MDFIC2: variants seen among roughly 807,000 people sequenced by gnomAD.
MDFIC2 encodes the protein MyoD family inhibitor domain containing 2.
intron 2 of MDFIC2, among the ~76,000 whole-genome samples, chr3:70,292,865 A>G (rs559195966): frequency 6.6e-6 from 1 of 152,128 alleles, no homozygotes; most frequent in Non-Finnish European, 1.5e-5. Context: ...TTACCTTGAT[A>G]GAAATACTAT....
intron 2 of MDFIC2, among the ~76,000 whole-genome samples, chr3:70,307,018 G>C (rs988356800): frequency 6.6e-6 from 1 of 152,102 alleles, no homozygotes; most frequent in Non-Finnish European, 1.5e-5. Flanking sequence ...TAGAGAGATA[G>C]AGAGAAAATC....
chr3:70,244,275 C>T (rs972548490), intron 2 of MDFIC2, among the ~76,000 whole-genome samples: 1 of 152,174 alleles, frequency 6.6e-6, no homozygotes. Flanking sequence ...TCTGTTCTAA[C>T]TGAAAAGCTG....
At chr3:70,259,831 C>T (rs937810302) in intron 2 of MDFIC2, among the ~76,000 whole-genome samples, 1 of 152,132 alleles carries the variant, frequency 6.6e-6, no homozygotes, top group African/African-American at 2.4e-5. Flanking sequence ...CACAGTTCAG[C>T]ACAGCTGGGG....
At chr3:70,250,524 A>G (rs1701754703) in intron 2 of MDFIC2, among the ~76,000 whole-genome samples, 2 of 152,118 alleles carry the variant, frequency 1.3e-5, no homozygotes, top group South Asian at 4.1e-4. Flanking sequence ...TTTTAGATAA[A>G]TATTTTCAAC....
At chr3:70,232,615 G>T (rs1162637770) in intron 2 of MDFIC2, among the ~76,000 whole-genome samples, 2 of 151,946 alleles carry the variant, frequency 1.3e-5, no homozygotes, top group African/African-American at 4.8e-5. Flanking sequence ...GGCCAGGATG[G>T]TCTCAATCTC....
chr3:70,256,521 T>G (rs766102003), intron 2 of MDFIC2, among the ~76,000 whole-genome samples: 1 of 152,220 alleles, frequency 6.6e-6, no homozygotes, highest in Non-Finnish European at 1.5e-5. Context: ...TTAAGTGCCA[T>G]GTATTGAAAC....
intron 3 of MDFIC2, among the ~76,000 whole-genome samples, chr3:70,203,952 C>T (rs1264834705): frequency 6.6e-6 from 1 of 152,088 alleles, no homozygotes; most frequent in Non-Finnish European, 1.5e-5. Flanking sequence ...AGGGACCACA[C>T]ACGATGAACC....
At chr3:70,275,195 T>C (rs1203018106) in intron 2 of MDFIC2, among the ~76,000 whole-genome samples, 1 of 152,200 alleles carries the variant, frequency 6.6e-6, no homozygotes, top group Non-Finnish European at 1.5e-5. Context: ...GTTTTATATA[T>C]TGTGCTTCTG....
At chr3:70,221,693 T>C (rs908263057) in intron 2 of MDFIC2, among the ~76,000 whole-genome samples, 8 of 152,112 alleles carry the variant, frequency 5.3e-5, no homozygotes, top group African/African-American at 1.9e-4. Context: ...AAGGTTCAAA[T>C]GGAAGGGGAA....
At chr3:70,295,950 T>A (rs1702285829) in intron 2 of MDFIC2, among the ~76,000 whole-genome samples, 1 of 152,174 alleles carries the variant, frequency 6.6e-6, no homozygotes, top group African/African-American at 2.4e-5. Flanking sequence ...AAATTATGTG[T>A]AGAAATAGAA....
intron 2 of MDFIC2, among the ~76,000 whole-genome samples, chr3:70,250,860 G>A (rs979159392): frequency 1.3e-5 from 2 of 152,124 alleles, no homozygotes; most frequent in African/African-American, 2.4e-5. Flanking sequence ...TGGGCAGACT[G>A]TCAAATAGTA....
rs181864213 is a variant in MDFIC2, at chr3:70,206,788, T to G, written c.91A>C (p.Thr31Pro). 4.3e-4 allele frequency: 171 copies of G among 397,584 alleles called. No homozygotes were observed. The highest frequency in any genetic ancestry group is 6.1e-4 in the Non-Finnish European group (137 of 225,344). 24.6% of individuals were successfully genotyped at this position (397,584 alleles called of 1,614,324 possible). The change falls in exon 3 of 4, where the codon ACG (threonine) becomes CCG (proline). Residue 31 changes from threonine to proline, a missense_variant and splice_region_variant. Thr to Pro is a conservative substitution (Grantham distance 38). Transcript: ENST00000567252. ...KNNISWLKED[T>P]QLTNAKHADE... ...GCATGCTTTGCATTCGTGAGTTGCG[T>G]ATCTAGAGGAAAAAAGAAAAAACAC...
At chr3:70,202,857 T>C (rs1439916961) in intron 3 of MDFIC2, among the ~76,000 whole-genome samples, 1 of 152,056 alleles carries the variant, frequency 6.6e-6, no homozygotes, top group Non-Finnish European at 1.5e-5. Context: ...AGAATCTCTC[T>C]CACTAGAAAG....
Position 70,277,562 on chromosome 3 carries a change from A to G in MDFIC2, c.88+34324T>C, listed in dbSNP as rs141288565. 5.2e-4 allele frequency among the ~76,000 whole-genome samples: 79 copies of G among 152,350 alleles called. No individual in the cohort carries two copies. In the East Asian group the frequency reaches 6.0e-3, roughly 12 times the overall value. ...GGCTTTTAGTGCTATTACTGCTGTC[A>G]TAAGTGGAAAATTGGCCTAATGCAA... is the stretch of plus-strand genomic sequence containing the variant. On this transcript the variant is annotated intron_variant, in intron 2 of 3. Coordinates refer to ENST00000567252, the MANE Select transcript of MDFIC2 (RefSeq NM_001364677.1).
rs1049426213 is a variant in MDFIC2, at chr3:70,206,787, G to A, written c.92C>T (p.Thr31Met). Residue 31 changes from threonine (T) to methionine (M), a missense_variant, in exon 3 of 4, where the codon ACG becomes ATG. Coordinates refer to ENST00000567252, the MANE Select transcript of MDFIC2 (RefSeq NM_001364677.1). ...TGCATGCTTTGCATTCGTGAGTTGCGTATCTAGAGGAAAAAAGAAAAAACA... is the reference window on the plus strand; with the variant it reads ...TGCATGCTTTGCATTCGTGAGTTGCATATCTAGAGGAAAAAAGAAAAAACA... ...KNNISWLKEDTQLTNAKHADE... is the reference protein window; with the variant it reads ...KNNISWLKEDMQLTNAKHADE... 2 of 397,314 alleles carry A rather than the reference G, an allele frequency of 5.0e-6. No homozygotes were observed. Among genetic ancestry groups the A allele is most frequent in the Admixed American group, 4.4e-5 (1 of 22,626 alleles). 24.6% of individuals were successfully genotyped at this position (397,314 alleles called of 1,614,324 possible).
intron 3 of MDFIC2, among the ~76,000 whole-genome samples, chr3:70,201,603 G>T (rs1296516922): frequency 6.6e-6 from 1 of 152,154 alleles, no homozygotes; most frequent in Non-Finnish European, 1.5e-5. Context: ...TGTTTAAGAG[G>T]CATGCCCCAG....
intron 3 of MDFIC2, among the ~76,000 whole-genome samples, chr3:70,202,425 CTTG>C (rs1039010574): frequency 1.3e-5 from 2 of 152,222 alleles, no homozygotes; most frequent in Middle Eastern, 3.4e-3. Flanking sequence ...GGAGAGCCTT[CTTG>C]TTGTTGCTAA....
intron 2 of MDFIC2, among the ~76,000 whole-genome samples, chr3:70,245,101 T>C (rs1444581495): frequency 6.6e-6 from 1 of 152,196 alleles, no homozygotes; most frequent in African/African-American, 2.4e-5. Flanking sequence ...ACTAGAAACC[T>C]AAGCTCATTT....
chr3:70,252,414 G>T (rs1701778421), intron 2 of MDFIC2, among the ~76,000 whole-genome samples: 1 of 152,182 alleles, frequency 6.6e-6, no homozygotes, highest in African/African-American at 2.4e-5. Flanking sequence ...GGTCTTAACT[G>T]AGGACATAAA....
Sources: gnomAD v4.1 joint callset for allele counts (sites outside exome capture counted in the v4.1 genomes callset) on GRCh38, gnomAD v4.1.1 for gene constraint, MANE v1.5 for transcripts, NCBI Gene and HGNC (gene_info 2026-07-23, HGNC 2026-07-21) for gene names.